Variants in TBC1D10A observed in about 807,000 individuals in gnomAD.
TBC1D10A encodes the protein EBP50-PDX interactor of 64 kDa.
In TBC1D10A, 24 loss-of-function variants were observed where a neutral mutation model predicts 52.9. The observed-to-expected ratio is 0.45, with a 90% CI of 0.33 to 0.64. TBC1D10A has a LOEUF of 0.64. Among genes scored for constraint, TBC1D10A ranks in the 30% least tolerant of loss-of-function variants. The pLI is 0.02. For synonymous variants in TBC1D10A, 278 were observed against 282.9 expected, an observed-to-expected ratio of 0.98 and a Z score of 0.17; for missense variants, 602 against 687.9, an observed-to-expected ratio of 0.88 and a Z score of 1.40.
intron 1 of TBC1D10A, among the ~76,000 whole-genome samples, chr22:30,308,658 A>G (rs1244889290): frequency 6.6e-6 from 1 of 152,206 alleles, no homozygotes; most frequent in Non-Finnish European, 1.5e-5. Context: ...CCACTTGCTC[A>G]TATTACTCAG....
chr22:30,299,652 G>GCC, intron 2 of TBC1D10A, 101 bp from the exon 3 acceptor site: 1 of 1,055,994 alleles, frequency 9.5e-7, no homozygotes. Flanking sequence ...GCACACAGCA[G>GCC]CAAGAGCAGA....
chr22:30,304,576 G>A lies in TBC1D10A; in HGVS notation c.264C>T (p.Asp88=). 2.5e-6 allele frequency: 4 copies of A among 1,614,062 alleles called. No individual in the cohort carries two copies. Among genetic ancestry groups the A allele is most frequent in the Non-Finnish European group, 2.5e-6 (3 of 1,179,976 alleles). ...TCCATTTGTCCCAGTTGTTGAGCATGTCCAGCCACTTGGACTCCCTCTGCC... is the reference window on the plus strand; with the variant it reads ...TCCATTTGTCCCAGTTGTTGAGCATATCCAGCCACTTGGACTCCCTCTGCC... ...VLRQRESKWL[D]MLNNWDKWMA... Residue 88 remains aspartate (D), a synonymous_variant, in exon 2 of 9, where the codon GAC becomes GAT. Coordinates refer to ENST00000215790, the MANE Select transcript of TBC1D10A (RefSeq NM_031937.3).
At chr22:30,325,647 C>A (rs1930752873) in intron 1 of TBC1D10A, among the ~76,000 whole-genome samples, 1 of 152,018 alleles carries the variant, frequency 6.6e-6, no homozygotes, top group African/African-American at 2.4e-5. Context: ...GGCCTGGGCT[C>A]GGGGGATTCT....
chr22:30,292,389 C>T lies in TBC1D10A; in HGVS notation c.1513G>A (p.Asp505Asn), dbSNP rs755912122. Residue 505 changes from aspartate to asparagine, a missense_variant, in exon 9 of 9, where the codon GAC becomes AAC. Asp to Asn is a conservative substitution (Grantham distance 23, BLOSUM62 1). Around this residue, in one of 3 missense-constraint regions of TBC1D10A, gnomAD observed 265 missense variants for 275.1 expected, o/e 0.96. Transcript: ENST00000215790. Reference protein sequence around the residue: ...QESLTSQESEDTYL With the variant: ...QESLTSQESENTYL The stretch of plus-strand genomic sequence containing the variant: ...AGCTGCCAGGGTTACAAGTAGGTGT[C>T]CTCACTCTCTTGGGACGTCAAGCTC... 1 of 1,553,220 alleles carries T rather than the reference C, an allele frequency of 6.4e-7. No individual in the cohort carries two copies. Among genetic ancestry groups the T allele is most frequent in the South Asian group, 1.2e-5 (1 of 81,424 alleles).
At chr22:30,295,135 G>A in intron 4 of TBC1D10A, 80 bp from the exon 5 acceptor site, 2 of 1,387,066 alleles carry the variant, frequency 1.4e-6, no homozygotes, top group Non-Finnish European at 1.0e-6. Context: ...CAGTGGACCA[G>A]CCAGCCTCAG....
chr22:30,296,134 C>T (rs1240743646), intron 3 of TBC1D10A: 1 of 377,546 alleles, frequency 2.6e-6, no homozygotes, highest in Non-Finnish European at 4.8e-6. Flanking sequence ...GACCTCTAGA[C>T]ATTTCATTCG....
chr22:30,294,133 G>T, intron 6 of TBC1D10A, 23 bp from the exon 7 acceptor site: 1 of 1,608,178 alleles, frequency 6.2e-7, no homozygotes, highest in Non-Finnish European at 8.5e-7. Flanking sequence ...CGAGGCCACG[G>T]GACCATGACC....
chr22:30,303,827 G>A (rs1930256133), intron 2 of TBC1D10A, among the ~76,000 whole-genome samples: 1 of 152,240 alleles, frequency 6.6e-6, no homozygotes, highest in South Asian at 2.1e-4. Flanking sequence ...ACACACTTAA[G>A]AGTGGTGGGC....
intron 3 of TBC1D10A, 57 bp downstream of exon 3, chr22:30,299,387 T>TGGGGAGGACGCCAAGAGATGCGGA: frequency 1.3e-6 from 2 of 1,551,058 alleles, no homozygotes; most frequent in Non-Finnish European, 1.8e-6. Flanking sequence ...ATTGCCGCCA[T>TGGGGAGGACGCCAAGAGATGCGGA]GGGGAGGACG....
chr22:30,298,499 C>G (rs1294087442), intron 3 of TBC1D10A: 4 of 152,310 alleles, frequency 2.6e-5, no homozygotes, highest in Admixed American at 2.6e-4. Flanking sequence ...TGCTCCTGCC[C>G]AGTCATCTCA....
chr22:30,303,513 G>T (rs755251572), intron 2 of TBC1D10A, among the ~76,000 whole-genome samples: 1 of 152,354 alleles, frequency 6.6e-6, no homozygotes, highest in East Asian at 1.9e-4. Flanking sequence ...AGCTGAGGCT[G>T]AGAGGGTGAA....
chr22:30,294,843 C>T lies in TBC1D10A; in HGVS notation c.658G>A (p.Val220Ile). 6.2e-7 allele frequency: 1 copy of T among 1,614,158 alleles called. No individual in the cohort carries two copies. The highest frequency in any genetic ancestry group is 8.5e-7 in the Non-Finnish European group (1 of 1,180,028). Residue 220 changes from valine to isoleucine, a missense_variant, in exon 6 of 9, where the codon GTA (valine) becomes ATA (isoleucine). Coordinates refer to ENST00000215790, the MANE Select transcript of TBC1D10A (RefSeq NM_031937.3). Reference sequence around the variant, plus strand: ...GGCAGGTACTTCTCACAGATCTGTACCAGGCACCAGAAGGCTTGCTGTGGG... The same window carrying T: ...GGCAGGTACTTCTCACAGATCTGTATCAGGCACCAGAAGGCTTGCTGTGGG... ...MPAEQAFWCL[V>I]QICEKYLPGY...
At chr22:30,295,387 C>T (rs1013531640) in intron 4 of TBC1D10A, among the ~76,000 whole-genome samples, 1 of 152,182 alleles carries the variant, frequency 6.6e-6, no homozygotes, top group African/African-American at 2.4e-5. Flanking sequence ...CTTGGCCGGG[C>T]CAGCTTTGTC....
At chr22:30,315,280 A>C (rs1163481732) in intron 1 of TBC1D10A, among the ~76,000 whole-genome samples, 1 of 152,204 alleles carries the variant, frequency 6.6e-6, no homozygotes, top group Non-Finnish European at 1.5e-5. Flanking sequence ...AAAATCTCAG[A>C]GGGTAATTTA....
At chr22:30,326,032 C>G (rs1417606148) in intron 1 of TBC1D10A, among the ~76,000 whole-genome samples, 2 of 151,964 alleles carry the variant, frequency 1.3e-5, no homozygotes, top group Non-Finnish European at 2.9e-5. Context: ...TTCTCCGACC[C>G]TTCCATGAGG....
rs2145785121 is a variant in TBC1D10A at position 30,320,106 on chromosome 22, T to G, written c.209+6567A>C. ...TCACCGGTACAAGCAACATAATCCC[T>G]GCCTCATCTACAAAGTAACACTTCT... On this transcript the variant is annotated intron_variant, in intron 1 of 8. Coordinates refer to ENST00000215790, the MANE Select transcript of TBC1D10A (RefSeq NM_031937.3). Among the ~76,000 whole-genome samples, 2 of 152,326 alleles carry G rather than the reference T, an allele frequency of 1.3e-5. 1 individual carries two copies. The highest frequency in any genetic ancestry group is 3.9e-4 in the East Asian group (2 of 5,188).
At chr22:30,326,389 AAGG>A (rs1461068946) in intron 1 of TBC1D10A, among the ~76,000 whole-genome samples, 15 of 151,434 alleles carry the variant, frequency 9.9e-5, no homozygotes, top group Middle Eastern at 3.4e-3. Context: ...CCACGGCTGG[AAGG>A]AGGGCACAGT....
At chr22:30,321,180 C>T (rs2038180540) in intron 1 of TBC1D10A, among the ~76,000 whole-genome samples, 1 of 152,310 alleles carries the variant, frequency 6.6e-6, no homozygotes, top group Middle Eastern at 3.4e-3. Context: ...TGTCTGAGGA[C>T]CTAACACTCA....
rs1326840477 is a variant in TBC1D10A at position 30,296,044 on chromosome 22, G to C, written c.418-201C>G. 22 of 585,026 alleles carry C rather than the reference G, an allele frequency of 3.8e-5. No individual in the cohort carries two copies. In the East Asian group the frequency reaches 6.1e-4, roughly 16 times the overall value. 36.2% of individuals were successfully genotyped at this position (585,026 alleles called of 1,614,324 possible). On this transcript the variant is annotated intron_variant, in intron 3 of 8. Transcript: ENST00000215790. ...TGGGCAGGGGCAAAGGGGCAAGGAG[G>C]GAAGGGCCCTGGAAACCTTAAACCT...
Sources: allele counts gnomAD v4.1 joint callset (sites outside exome capture counted in the v4.1 genomes callset), GRCh38; gene constraint gnomAD v4.1.1; regional missense constraint gnomAD v4.1.1; transcripts MANE v1.5; gene names NCBI Gene and HGNC (gene_info 2026-07-23, HGNC 2026-07-21).